ABTB2: variants seen among roughly 807,000 people sequenced by gnomAD.
ABTB2 encodes the protein ankyrin repeat and BTB/POZ domain-containing protein 2.
In ABTB2, 56 loss-of-function variants were observed where a neutral mutation model predicts 104.1. The ratio of observed to expected loss-of-function variants is 0.54; its 90% confidence interval spans 0.43 to 0.67. The LOEUF (loss-of-function observed/expected upper bound fraction) is 0.67. ABTB2 is among the 30% of genes least tolerant of loss of function. The probability of loss-of-function intolerance (pLI) is 0.00; values close to 1 mark genes in which losing one functional copy is unlikely to be tolerated. For missense variants in ABTB2, 1,279 were observed against 1,407.7 expected (o/e 0.91, Z 1.46); for synonymous variants, 606 against 608.2 (o/e 1.00, Z 0.05).
At chr11:34,238,394 T>A (rs566354352) in intron 1 of ABTB2, among the ~76,000 whole-genome samples, 1 of 152,360 alleles carries the variant, frequency 6.6e-6, no homozygotes, top group South Asian at 2.1e-4. Flanking sequence ...TTTTATTGCC[T>A]GTCTTCCCAA....
At chr11:34,313,891 C>T (rs1347847189) in intron 1 of ABTB2, among the ~76,000 whole-genome samples, 1 of 152,216 alleles carries the variant, frequency 6.6e-6, no homozygotes, top group East Asian at 1.9e-4. Context: ...CCACCGTCCT[C>T]AGCAAGGGAC....
rs1852593885 is a variant in ABTB2, at chr11:34,154,551, G to C, written c.2766+150C>G. 1.1e-6 allele frequency: 1 copy of C among 881,440 alleles called. No homozygotes were observed. Among genetic ancestry groups the C allele is most frequent in the Admixed American group, 2.2e-5 (1 of 46,390 alleles). 54.6% of individuals were successfully genotyped at this position (881,440 alleles called of 1,614,324 possible). A position where few individuals can be genotyped will look rare whatever the true frequency, so the allele number is the denominator to read the frequency against. On this transcript the variant is annotated intron_variant, in intron 15 of 16. Coordinates refer to ENST00000435224, the MANE Select transcript of ABTB2 (RefSeq NM_145804.3). This position sits in a 1 kb window ranked among gnomAD's most constrained non-coding sequence, Gnocchi z 4.9. The stretch of plus-strand genomic sequence containing the variant: ...CCCGCTGGGACACGCACTGAGGCTG[G>C]GCTCAGTGGTGTGCACAGTTCCTCT...
At chr11:34,188,979 G>C (rs1173471570) in intron 3 of ABTB2, among the ~76,000 whole-genome samples, 1 of 152,196 alleles carries the variant, frequency 6.6e-6, no homozygotes, top group African/African-American at 2.4e-5. Context: ...TTATGCAGGA[G>C]GAAACGGAGA....
chr11:34,202,572 G>A (rs933891114), intron 2 of ABTB2, among the ~76,000 whole-genome samples: 1 of 152,164 alleles, frequency 6.6e-6, no homozygotes, highest in Admixed American at 6.5e-5. Context: ...TAGGTGCAGT[G>A]GCTCATGCCT....
chr11:34,334,067 G>A (rs1184584996), intron 1 of ABTB2, among the ~76,000 whole-genome samples: 1 of 149,808 alleles, frequency 6.7e-6, no homozygotes, highest in African/African-American at 2.4e-5. Context: ...GAGTGGTGAC[G>A]ATGGAAACAG....
In ABTB2 at chr11:34,309,171, C is replaced by T. The variant is rs577122797; in HGVS notation, c.883+47530G>A. ...GGGCCTGGCAATGTGTTCACATGGA[C>T]GTGTGTTTTTTTGCCAAAGTAAGAT... On this transcript the variant is annotated intron_variant, in intron 1 of 16. Transcript: ENST00000435224. Among the ~76,000 whole-genome samples, 68 of 152,292 alleles carry T rather than the reference C, an allele frequency of 4.5e-4. 1 individual carries two copies. The highest frequency in any genetic ancestry group is 4.2e-3 in the Admixed American group (64 of 15,296).
At chr11:34,316,998 G>T (rs1854940470) in intron 1 of ABTB2, among the ~76,000 whole-genome samples, 1 of 152,198 alleles carries the variant, frequency 6.6e-6, no homozygotes, top group African/African-American at 2.4e-5. Flanking sequence ...AAACTACTGT[G>T]CCTGAGGTAC....
In ABTB2 at chr11:34,357,676, C is replaced by T. The variant is rs1590269894; in HGVS notation, c.-93G>A. The T allele has an allele frequency of 7.8e-7, 1 of 1,274,444 alleles. No individual in the cohort carries two copies. The highest frequency in any genetic ancestry group is 3.4e-5 in the Admixed American group (1 of 29,432). 78.9% of individuals were successfully genotyped at this position (1,274,444 alleles called of 1,614,324 possible). On this transcript the variant is annotated 5_prime_UTR_variant, in exon 1 of 17. Transcript: ENST00000435224. The stretch of plus-strand genomic sequence containing the variant: ...TGGGCAGAAACAAGCTCTAGGCCCT[C>T]CGGGCCACCCTCCTTCCTCTCTGCG...
chr11:34,264,899 A>C (rs1854229702), intron 1 of ABTB2, among the ~76,000 whole-genome samples: 1 of 152,184 alleles, frequency 6.6e-6, no homozygotes, highest in Non-Finnish European at 1.5e-5. Context: ...CTTTGAGCTC[A>C]AAGATTTCAC....
intron 14 of ABTB2, 21 bp downstream of exon 14, chr11:34,159,275 G>T: frequency 6.3e-7 from 1 of 1,597,598 alleles, no homozygotes; most frequent in Non-Finnish European, 8.6e-7. Context: ...TGAGAAGAGG[G>T]CGGCACCAAG....
intron 1 of ABTB2, among the ~76,000 whole-genome samples, chr11:34,314,905 G>T (rs1310424669): frequency 6.6e-6 from 1 of 152,294 alleles, no homozygotes; most frequent in East Asian, 1.9e-4. Context: ...AGAGGCTGAG[G>T]GTGATGCCGC....
At chr11:34,349,661 T>C (rs1855375160) in intron 1 of ABTB2, among the ~76,000 whole-genome samples, 1 of 152,234 alleles carries the variant, frequency 6.6e-6, no homozygotes, top group Admixed American at 6.5e-5. Context: ...GGTACTATTT[T>C]CAGTCCTATC....
chr11:34,207,826 C>G (rs1302930285), intron 1 of ABTB2, among the ~76,000 whole-genome samples: 1 of 152,218 alleles, frequency 6.6e-6, no homozygotes, highest in East Asian at 1.9e-4. Flanking sequence ...TAGGCAGCGC[C>G]TAGGATATTG....
At chr11:34,189,044 GA>G (rs903368285) in intron 3 of ABTB2, 4 of 152,194 alleles carry the variant, frequency 2.6e-5, no homozygotes, top group African/African-American at 9.7e-5. Context: ...AAAGAGCTGG[GA>G]TTTGATCCTC....
chr11:34,229,051 C>T (rs962574590), intron 1 of ABTB2, among the ~76,000 whole-genome samples: 20 of 133,528 alleles, frequency 1.5e-4, no homozygotes, highest in Admixed American at 7.2e-4. Context: ...TCTGGGGGTG[C>T]GGAGGTTGCA....
intron 1 of ABTB2, among the ~76,000 whole-genome samples, chr11:34,207,458 A>G (rs892785071): frequency 1.3e-5 from 2 of 152,360 alleles, no homozygotes; most frequent in East Asian, 3.9e-4. Context: ...AATAATAGTA[A>G]TTGATAGCAT....
intron 1 of ABTB2, among the ~76,000 whole-genome samples, chr11:34,281,706 G>T (rs1313397058): frequency 6.6e-6 from 1 of 152,186 alleles, no homozygotes; most frequent in African/African-American, 2.4e-5. Context: ...ATCTGAAGTT[G>T]CTTGCTATTC....
intron 3 of ABTB2, among the ~76,000 whole-genome samples, chr11:34,194,836 A>T (rs1377581585): frequency 4.0e-5 from 6 of 151,858 alleles, no homozygotes; most frequent in Non-Finnish European, 7.4e-5. Context: ...ATTCATTTGA[A>T]ATGATTCATG....
intron 1 of ABTB2, among the ~76,000 whole-genome samples, chr11:34,237,927 A>G (rs1853866300): frequency 6.6e-6 from 1 of 151,950 alleles, no homozygotes; most frequent in Admixed American, 6.6e-5. Context: ...TATGCCACCC[A>G]CCACCACCCT....
Sources: allele counts gnomAD v4.1 joint callset (sites outside exome capture counted in the v4.1 genomes callset), GRCh38; gene constraint gnomAD v4.1.1; non-coding constraint Gnocchi (gnomAD v3.1); transcripts MANE v1.5; gene names NCBI Gene and HGNC (gene_info 2026-07-23, HGNC 2026-07-21).